Variants in NTRK2 observed in about 807,000 individuals in gnomAD.
NTRK2 encodes the protein neurotrophic receptor tyrosine kinase 2, also known as BDNF/NT-3 growth factors receptor.
NTRK2 carries 13 observed loss-of-function variants against 94.5 expected under a neutral mutation model. The ratio of observed to expected loss-of-function variants is 0.14; its 90% confidence interval spans 0.09 to 0.22. The LOEUF is 0.22. Among genes scored for constraint, NTRK2 ranks in the 10% least tolerant of loss-of-function variants. NTRK2 has a pLI of 1.00. For synonymous variants in NTRK2, 372 were observed against 407.4 expected (o/e 0.91, Z 1.05); for missense variants, 639 against 1,071.2 (o/e 0.60, Z 5.63).
At chr9:84,683,886 C>T (rs1390145018) in intron 2 of NTRK2, among the ~76,000 whole-genome samples, 1 of 152,174 alleles carries the variant, frequency 6.6e-6, no homozygotes, top group East Asian at 1.9e-4. Flanking sequence ...GCCATTCTGA[C>T]TGGCATGATA....
intron 17 of NTRK2, 64 bp from the exon 18 acceptor site, chr9:85,020,142 C>A (rs1832656675): frequency 6.4e-7 from 1 of 1,560,556 alleles, no homozygotes; most frequent in South Asian, 1.1e-5. Context: ...TGTCCCCCAG[C>A]AGCTCCCTTC....
chr9:84,746,690 C>A (rs2064111274), intron 11 of NTRK2, among the ~76,000 whole-genome samples: 2 of 152,078 alleles, frequency 1.3e-5, no homozygotes, highest in South Asian at 4.1e-4. Flanking sequence ...TTGCCACCTG[C>A]CTTTTTCATG....
At chr9:84,861,255 T>G (rs1018980225) in intron 13 of NTRK2, among the ~76,000 whole-genome samples, 168 bp downstream of exon 13, 1 of 152,208 alleles carries the variant, frequency 6.6e-6, no homozygotes, top group Non-Finnish European at 1.5e-5. Context: ...GAAAAGGCAT[T>G]ACTGTTGTTA....
In NTRK2 at chr9:84,917,200, C is replaced by A. The variant is rs545061919; in HGVS notation, c.1634-16962C>A. Among the ~76,000 whole-genome samples, 4 of 152,256 alleles carry A rather than the reference C, an allele frequency of 2.6e-5. No homozygotes were observed. In the South Asian group the frequency reaches 8.3e-4, roughly 32 times the overall value. ...AGGTGAGACAAACCATTTTTGTACA[C>A]CATCATACATTATGTAAGTGCATTT... On this transcript the variant is annotated intron_variant, in intron 14 of 18. Coordinates refer to ENST00000277120, the MANE Select transcript of NTRK2 (RefSeq NM_006180.6).
chr9:85,008,760 G>T (rs1004289494), intron 17 of NTRK2, among the ~76,000 whole-genome samples: 1 of 152,132 alleles, frequency 6.6e-6, no homozygotes, highest in African/African-American at 2.4e-5. Context: ...AATGTACCTG[G>T]ACCACAGCGT....
At chr9:84,970,354 G>A (rs543358568) in intron 17 of NTRK2, among the ~76,000 whole-genome samples, 1 of 151,240 alleles carries the variant, frequency 6.6e-6, no homozygotes, top group South Asian at 2.1e-4. Flanking sequence ...CAGCCTGGGG[G>A]ACAGAGTGCA....
intron 13 of NTRK2, among the ~76,000 whole-genome samples, chr9:84,866,895 A>G (rs1194550722): frequency 1.3e-5 from 2 of 152,240 alleles, no homozygotes; most frequent in Non-Finnish European, 2.9e-5. Flanking sequence ...AAAGAAAGGA[A>G]GTACTAATAC....
At chr9:84,744,746 A>G (rs1304664056) in intron 10 of NTRK2, among the ~76,000 whole-genome samples, 1 of 152,174 alleles carries the variant, frequency 6.6e-6, no homozygotes, top group Non-Finnish European at 1.5e-5. Context: ...CCAACAAGAC[A>G]ATGATGTAAA....
chr9:84,780,292 T>C (rs547317953), intron 12 of NTRK2, among the ~76,000 whole-genome samples: 5 of 152,324 alleles, frequency 3.3e-5, no homozygotes, highest in African/African-American at 1.2e-4. Context: ...GCTGCTTTCA[T>C]GGTACAGCAG....
intron 12 of NTRK2, chr9:84,814,890 A>G: frequency 9.4e-7 from 1 of 1,061,956 alleles, no homozygotes; most frequent in Non-Finnish European, 1.1e-6. Context: ...AAATTAGTAC[A>G]GAAGTAACCA....
intron 12 of NTRK2, among the ~76,000 whole-genome samples, chr9:84,806,659 A>G (rs1054688946): frequency 2.6e-5 from 4 of 152,234 alleles, no homozygotes; most frequent in Admixed American, 6.5e-5. Flanking sequence ...CCAGTTATCT[A>G]TAAAATAGAA....
chr9:85,016,679 T>C lies in NTRK2; in HGVS notation c.2173-3527T>C, dbSNP rs74832032. On this transcript the variant is annotated intron_variant, in intron 17 of 18. Transcript: ENST00000277120. Reference sequence around the variant, plus strand: ...CAGTGACTTTTTTGGGGGGAGGGTCTACTTTTGTGACATGCTTCAAAATTC... The same window carrying C: ...CAGTGACTTTTTTGGGGGGAGGGTCCACTTTTGTGACATGCTTCAAAATTC... Among the ~76,000 whole-genome samples, 871 of 152,324 alleles carry C rather than the reference T, an allele frequency of 5.7e-3. 26 individuals are homozygous for C. The highest frequency in any genetic ancestry group is 0.039 in the Admixed American group (597 of 15,302).
chr9:84,682,488 T>C (rs916403943), intron 2 of NTRK2, among the ~76,000 whole-genome samples: 3 of 152,098 alleles, frequency 2.0e-5, no homozygotes, highest in African/African-American at 7.2e-5. Context: ...GTCAGGTTTA[T>C]TAGTTTGCCT....
chr9:84,780,849 T>C (rs187934452), intron 12 of NTRK2, among the ~76,000 whole-genome samples: 45 of 152,160 alleles, frequency 3.0e-4, no homozygotes, highest in Non-Finnish European at 5.4e-4. Context: ...AAAAGAAAGC[T>C]ATGAGCTATG....
chr9:84,814,668 C>T, intron 12 of NTRK2: 1 of 1,065,256 alleles, frequency 9.4e-7, no homozygotes, highest in Non-Finnish European at 1.1e-6. Flanking sequence ...TGGTTTGAAT[C>T]TGATTCCTTC....
At chr9:84,855,103 A>G (rs1453029932) in intron 12 of NTRK2, among the ~76,000 whole-genome samples, 1 of 152,154 alleles carries the variant, frequency 6.6e-6, no homozygotes, top group East Asian at 1.9e-4. Flanking sequence ...TGGCCTTGTC[A>G]TGAGAGACTC....
chr9:84,963,647 G>A (rs1825217580), intron 17 of NTRK2, among the ~76,000 whole-genome samples: 1 of 151,188 alleles, frequency 6.6e-6, no homozygotes, highest in African/African-American at 2.4e-5. Context: ...GTTTTCATCA[G>A]TTCAGAATTT....
At chr9:84,700,059 A>G (rs991387059) in intron 2 of NTRK2, among the ~76,000 whole-genome samples, 15 of 152,206 alleles carry the variant, frequency 9.9e-5, no homozygotes, top group African/African-American at 3.4e-4. Context: ...AGAACTCTCA[A>G]TGACTTCAGG....
intron 12 of NTRK2, among the ~76,000 whole-genome samples, chr9:84,827,432 C>T (rs1350328770): frequency 6.6e-6 from 1 of 152,206 alleles, no homozygotes; most frequent in African/African-American, 2.4e-5. Flanking sequence ...GAGCGCAACT[C>T]CAGCTCTGGG....
Sources: gnomAD v4.1 joint callset for allele counts (sites outside exome capture counted in the v4.1 genomes callset) on GRCh38, gnomAD v4.1.1 for gene constraint, MANE v1.5 for transcripts, NCBI Gene and HGNC (gene_info 2026-07-23, HGNC 2026-07-21) for gene names.